PTPRM: variants seen among roughly 807,000 people sequenced by gnomAD.
PTPRM encodes the protein protein tyrosine phosphatase receptor type M.
PTPRM carries 47 observed loss-of-function variants against 186.7 expected under a neutral mutation model. The ratio of observed to expected loss-of-function variants is 0.25; its 90% CI spans 0.20 to 0.32. PTPRM has a LOEUF of 0.32. Ranked by LOEUF, PTPRM falls within the 10% of genes least tolerant of loss-of-function variation. The probability of loss-of-function intolerance (pLI) is 1.00; values close to 1 mark genes in which losing one functional copy is unlikely to be tolerated. For missense variants in PTPRM, 1,494 were observed against 1,865.0 expected (o/e 0.80, Z 3.66); for synonymous variants, 668 against 674.9 (o/e 0.99, Z 0.16).
chr18:8,279,804 T>C (rs562441519), intron 19 of PTPRM, among the ~76,000 whole-genome samples: 66 of 152,288 alleles, frequency 4.3e-4, no homozygotes, highest in African/African-American at 1.6e-3. Flanking sequence ...GTTTGCAGTC[T>C]CCTGGCCCTA....
chr18:8,070,040 A>C, intron 8 of PTPRM, 46 bp downstream of exon 8: 6 of 1,526,382 alleles, frequency 3.9e-6, no homozygotes, highest in Non-Finnish European at 5.3e-6. Context: ...TGTTCTTTCA[A>C]AAAACAACTT....
At chr18:8,043,457 G>A (rs2086818277) in intron 7 of PTPRM, among the ~76,000 whole-genome samples, 1 of 152,010 alleles carries the variant, frequency 6.6e-6, no homozygotes, top group African/African-American at 2.4e-5. Context: ...CAATTATTTG[G>A]TCCTATGGTA....
chr18:7,845,552 A>T (rs2046552638), intron 2 of PTPRM, among the ~76,000 whole-genome samples: 1 of 152,234 alleles, frequency 6.6e-6, no homozygotes, highest in Non-Finnish European at 1.5e-5. Context: ...CGATACACTG[A>T]AACCTAAATA....
intron 7 of PTPRM, among the ~76,000 whole-genome samples, chr18:8,018,671 A>G (rs995802387): frequency 2.0e-5 from 3 of 152,190 alleles, no homozygotes; most frequent in African/African-American, 7.2e-5. Context: ...ACATGTTAAT[A>G]ATTTATGTAA....
chr18:7,796,860 C>T (rs2043685908), intron 2 of PTPRM, among the ~76,000 whole-genome samples: 2 of 152,212 alleles, frequency 1.3e-5, no homozygotes, highest in Admixed American at 1.3e-4. Context: ...GGGGAATTTT[C>T]TTGTCATTTC....
intron 1 of PTPRM, among the ~76,000 whole-genome samples, chr18:7,766,108 T>G (rs1376782520): frequency 6.6e-6 from 1 of 152,188 alleles, no homozygotes; most frequent in East Asian, 1.9e-4. Context: ...TGTAAATTGT[T>G]GTTTACTTAC....
At chr18:8,246,442 A>C (rs2094477228) in intron 15 of PTPRM, among the ~76,000 whole-genome samples, 1 of 152,214 alleles carries the variant, frequency 6.6e-6, no homozygotes, top group African/African-American at 2.4e-5. Flanking sequence ...AGGGGAGAAT[A>C]GATACAGGTA....
At chr18:8,086,004 C>T in intron 10 of PTPRM, 132 bp downstream of exon 10, 1 of 813,552 alleles carries the variant, frequency 1.2e-6, no homozygotes, top group Non-Finnish European at 2.0e-6. Flanking sequence ...ATGCCTGAAG[C>T]TCAGACTCAC....
chr18:8,137,709 G>A (rs2092670102), intron 13 of PTPRM, among the ~76,000 whole-genome samples: 1 of 152,092 alleles, frequency 6.6e-6, no homozygotes, highest in Non-Finnish European at 1.5e-5. Flanking sequence ...TCCAGACCCT[G>A]CCCTTGAAGC....
chr18:8,005,093 C>T (rs1283666128), intron 7 of PTPRM, among the ~76,000 whole-genome samples: 1 of 152,118 alleles, frequency 6.6e-6, no homozygotes, highest in Non-Finnish European at 1.5e-5. Context: ...AAATTTATTT[C>T]AGAACTTATT....
In PTPRM at chr18:7,894,596, T is replaced by A. The variant is rs185706242; in HGVS notation, c.468+6219T>A. On this transcript the variant is annotated intron_variant, in intron 3 of 32. Coordinates refer to ENST00000580170, the MANE Select transcript of PTPRM (RefSeq NM_001105244.2). The stretch of plus-strand genomic sequence containing the variant: ...GCAAGACTCCGTCTCAGGAAAAATA[T>A]ATATATATATATATTTTTTAATATT... Among the ~76,000 whole-genome samples the A allele has an allele frequency of 4.9e-3, 740 of 151,168 alleles. 6 individuals are homozygous for A. The highest frequency in any genetic ancestry group is 0.017 in the East Asian group (88 of 5,144).
chr18:7,738,758 A>G (rs1447306661), intron 1 of PTPRM, among the ~76,000 whole-genome samples: 2 of 152,080 alleles, frequency 1.3e-5, no homozygotes, highest in Non-Finnish European at 2.9e-5. Context: ...TCAACTTTTG[A>G]AGCATTGGTT....
At chr18:7,630,969 T>C (rs1170033717) in intron 1 of PTPRM, among the ~76,000 whole-genome samples, 3 of 152,160 alleles carry the variant, frequency 2.0e-5, no homozygotes, top group African/African-American at 7.2e-5. Flanking sequence ...CATGTGAAAG[T>C]GAGAGCCTGT....
intron 2 of PTPRM, among the ~76,000 whole-genome samples, chr18:7,818,047 T>C (rs984962389): frequency 3.3e-5 from 5 of 152,214 alleles, no homozygotes; most frequent in African/African-American, 1.2e-4. Flanking sequence ...TTGCAAGTTA[T>C]TCACTTCCCT....
At chr18:7,585,651 C>T (rs1269331698) in intron 1 of PTPRM, among the ~76,000 whole-genome samples, 2 of 152,066 alleles carry the variant, frequency 1.3e-5, no homozygotes, top group South Asian at 2.1e-4. Flanking sequence ...CCTCATCTAT[C>T]TCCCTCTCAT....
intron 1 of PTPRM, among the ~76,000 whole-genome samples, chr18:7,612,475 C>T (rs888920723): frequency 6.6e-6 from 1 of 152,160 alleles, no homozygotes; most frequent in Non-Finnish European, 1.5e-5. Flanking sequence ...CATCTCTTGA[C>T]CAGGCTGGTC....
At chr18:7,897,036 A>G (rs1187462554) in intron 3 of PTPRM, among the ~76,000 whole-genome samples, 3 of 152,214 alleles carry the variant, frequency 2.0e-5, no homozygotes, top group African/African-American at 7.2e-5. Flanking sequence ...ACAGTGTTTT[A>G]GAGTTGAATT....
intron 7 of PTPRM, among the ~76,000 whole-genome samples, chr18:7,989,480 GAAGCACTTCTGTATGTTCTTACTTATAA>G (rs2083146660): frequency 6.6e-6 from 1 of 152,112 alleles, no homozygotes; most frequent in African/African-American, 2.4e-5. Flanking sequence ...AGCATAATAA[GAAGCACTTCTGTATGTTCTTACTTATAA>G]TAAGAAGCAC....
At chr18:8,244,957 G>C (rs969095539) in intron 15 of PTPRM, among the ~76,000 whole-genome samples, 1 of 152,190 alleles carries the variant, frequency 6.6e-6, no homozygotes, top group African/African-American at 2.4e-5. Flanking sequence ...TCAGGCCTGA[G>C]CTGCATAACC....
Sources: gnomAD v4.1 joint callset for allele counts (sites outside exome capture counted in the v4.1 genomes callset) on GRCh38, gnomAD v4.1.1 for gene constraint, MANE v1.5 for transcripts, NCBI Gene and HGNC (gene_info 2026-07-23, HGNC 2026-07-21) for gene names.